Variants in CWF19L2 observed in about 807,000 individuals in gnomAD.
CWF19L2 encodes the protein CWF19-like protein 2.
Under a neutral mutation model 111.7 loss-of-function variants are expected in CWF19L2, and 98 were observed. The observed-to-expected ratio is 0.88, with a 90% CI of 0.75 to 1.04. CWF19L2 has a LOEUF of 1.04. Ranked by LOEUF, CWF19L2 falls within the 50% of genes least tolerant of loss-of-function variation. The pLI, the probability that CWF19L2 is intolerant of heterozygous loss-of-function variation, is 0.00. For synonymous variants in CWF19L2, 351 were observed against 342.9 expected, an observed-to-expected ratio of 1.02 and a Z score of -0.26; for missense variants, 1,101 against 1,051.4, an observed-to-expected ratio of 1.05 and a Z score of -0.65.
intron 14 of CWF19L2, among the ~76,000 whole-genome samples, chr11:107,346,353 C>G (rs1400087383): frequency 1.3e-5 from 2 of 152,058 alleles, no homozygotes; most frequent in Non-Finnish European, 2.9e-5. Flanking sequence ...TGAATTTAAA[C>G]AATTGTTTAA....
chr11:107,428,601 TAA>T (rs35070417), intron 8 of CWF19L2, among the ~76,000 whole-genome samples, 196 bp downstream of exon 8: 1 of 145,028 alleles, frequency 6.9e-6, no homozygotes, highest in Admixed American at 6.9e-5. Context: ...TTTCAGCTCT[TAA>T]AAAAAAAAAA....
At position 107,399,653 on chromosome 11, in the gene CWF19L2, G is replaced by C. The variant is rs779992610; in HGVS notation, c.1618-6758C>G. On this transcript the variant is annotated intron_variant, in intron 10 of 17. Transcript: ENST00000282251. ...AATACTCCACTGATAGCCCTAGATA[G>C]GTCATCAAGACAGAAAGTCAACAAA... 3.7e-4 allele frequency among the ~76,000 whole-genome samples: 56 copies of C among 152,104 alleles called. 1 individual carries two copies. Among genetic ancestry groups the C allele is most frequent in the Non-Finnish European group, 1.0e-4 (7 of 68,022 alleles).
chr11:107,392,897 T>A lies in CWF19L2; in HGVS notation c.1618-2A>T. On this transcript the variant is annotated splice_acceptor_variant, in intron 10 of 17. Coordinates refer to ENST00000282251, the MANE Select transcript of CWF19L2 (RefSeq NM_152434.3). LOFTEE classifies it high-confidence loss of function. ...GATTACTTCTTGCTGGTCTTCATTCTATAAAAAGATTTAGAGATAACTATT... is the reference window on the plus strand; with the variant it reads ...GATTACTTCTTGCTGGTCTTCATTCAATAAAAAGATTTAGAGATAACTATT... 6.6e-7 allele frequency: 1 copy of A among 1,523,146 alleles called. No individual in the cohort carries two copies. Among genetic ancestry groups the A allele is most frequent in the Non-Finnish European group, 8.9e-7 (1 of 1,125,364 alleles). The allele number at this position is 1,523,146 out of a possible 1,614,324, so 94.4% of individuals were successfully genotyped here. A position where few individuals can be genotyped will look rare whatever the true frequency, so the allele number is the denominator to read the frequency against.
At chr11:107,425,700 T>C (rs561083826) in intron 8 of CWF19L2, among the ~76,000 whole-genome samples, 1 of 152,082 alleles carries the variant, frequency 6.6e-6, no homozygotes, top group East Asian at 1.9e-4. Context: ...CTTAAAGATC[T>C]CACAACTATA....
intron 10 of CWF19L2, 145 bp from the exon 11 acceptor site, chr11:107,393,040 T>G: frequency 4.0e-6 from 2 of 505,362 alleles, no homozygotes; most frequent in Non-Finnish European, 6.8e-6. Context: ...TTCATTACTC[T>G]CTATACTATA....
chr11:107,390,903 T>A (rs537195544), intron 11 of CWF19L2, among the ~76,000 whole-genome samples: 1 of 152,168 alleles, frequency 6.6e-6, no homozygotes, highest in Non-Finnish European at 1.5e-5. Context: ...GTGGGAACCA[T>A]CTAATCAGCT....
chr11:107,363,131 T>G (rs2134561103), intron 12 of CWF19L2, among the ~76,000 whole-genome samples: 1 of 151,868 alleles, frequency 6.6e-6, no homozygotes, highest in African/African-American at 2.4e-5. Flanking sequence ...GAAAAAAGAA[T>G]AAAAAGAAAT....
chr11:107,440,862 C>T (rs1375238475), intron 5 of CWF19L2, among the ~76,000 whole-genome samples: 1 of 152,094 alleles, frequency 6.6e-6, no homozygotes, highest in Non-Finnish European at 1.5e-5. Flanking sequence ...AATGAAATAC[C>T]ATTTCTCACC....
intron 2 of CWF19L2, 34 bp from the exon 3 acceptor site, chr11:107,454,606 T>C: frequency 7.9e-7 from 1 of 1,259,176 alleles, no homozygotes; most frequent in Non-Finnish European, 1.0e-6. Flanking sequence ...GAAAATAATT[T>C]AATTTCATCT....
At chr11:107,433,180 A>G (rs1861488345) in intron 7 of CWF19L2, among the ~76,000 whole-genome samples, 1 of 152,114 alleles carries the variant, frequency 6.6e-6, no homozygotes, top group Non-Finnish European at 1.5e-5. Flanking sequence ...CAATAGAAAG[A>G]TTGTCCAGAA....
chr11:107,423,824 T>A (rs549091406), intron 8 of CWF19L2, among the ~76,000 whole-genome samples: 1 of 151,822 alleles, frequency 6.6e-6, no homozygotes, highest in African/African-American at 2.4e-5. Flanking sequence ...AAGCCATCCA[T>A]CAATCCATCT....
intron 10 of CWF19L2, among the ~76,000 whole-genome samples, chr11:107,397,046 C>T (rs1292235767): frequency 6.6e-6 from 1 of 152,112 alleles, no homozygotes; most frequent in Non-Finnish European, 1.5e-5. Context: ...CCCGTTCCTG[C>T]CTGGCACCAC....
At chr11:107,418,603 C>G (rs1012696581) in intron 8 of CWF19L2, among the ~76,000 whole-genome samples, 9 of 152,166 alleles carry the variant, frequency 5.9e-5, no homozygotes, top group Middle Eastern at 3.4e-3. Context: ...AAACAAAAAA[C>G]GTTCGAACCA....
rs1036708311 is a variant in CWF19L2, at chr11:107,371,521, A to G, written c.1873-17785T>C. Among the ~76,000 whole-genome samples, 6 of 137,978 alleles carry G rather than the reference A, an allele frequency of 4.3e-5. 2 individuals are homozygous for G. Among genetic ancestry groups the G allele is most frequent in the Non-Finnish European group, 9.3e-5 (6 of 64,460 alleles). The allele number at this position is 137,978 out of a possible 152,430, so 90.5% of individuals were successfully genotyped here. A position where few individuals can be genotyped will look rare whatever the true frequency, so the allele number is the denominator to read the frequency against. ...TACAGACTGATTTTTTAAAGGTGCTATTAAAACATTGCTAGTTTTATTAAA... is the reference window on the plus strand; with the variant it reads ...TACAGACTGATTTTTTAAAGGTGCTGTTAAAACATTGCTAGTTTTATTAAA... On this transcript the variant is annotated intron_variant, in intron 12 of 17. Coordinates refer to ENST00000282251, the MANE Select transcript of CWF19L2 (RefSeq NM_152434.3).
intron 12 of CWF19L2, among the ~76,000 whole-genome samples, chr11:107,379,478 G>T (rs1159999333): frequency 1.3e-5 from 2 of 152,226 alleles, no homozygotes; most frequent in East Asian, 3.9e-4. Context: ...GTTCAAGAGG[G>T]ATTCTGATTC....
intron 10 of CWF19L2, among the ~76,000 whole-genome samples, chr11:107,395,646 T>G (rs1303980437): frequency 6.6e-6 from 1 of 152,232 alleles, no homozygotes; most frequent in East Asian, 1.9e-4. Context: ...ATTCTGGCCC[T>G]AGATTTTTCT....
intron 3 of CWF19L2, among the ~76,000 whole-genome samples, chr11:107,443,438 A>G (rs784150): frequency 0.27 from 40,868 of 151,874 alleles, 5,861 homozygotes; most frequent in African/African-American, 0.35. Context: ...AGCTAAGATC[A>G]CACCACTGCA....
intron 10 of CWF19L2, among the ~76,000 whole-genome samples, chr11:107,412,622 T>C (rs959351307): frequency 4.6e-5 from 7 of 152,228 alleles, no homozygotes; most frequent in African/African-American, 1.7e-4. Flanking sequence ...ATTACAGGCA[T>C]GAGCCAGTGC....
intron 14 of CWF19L2, among the ~76,000 whole-genome samples, chr11:107,344,472 C>T (rs1860049221): frequency 6.6e-6 from 1 of 152,154 alleles, no homozygotes; most frequent in Non-Finnish European, 1.5e-5. Context: ...TCCCATATTC[C>T]TGAAGGATAT....
Sources: allele counts gnomAD v4.1 joint callset (sites outside exome capture counted in the v4.1 genomes callset), GRCh38; gene constraint gnomAD v4.1.1; transcripts MANE v1.5; gene names NCBI Gene and HGNC (gene_info 2026-07-23, HGNC 2026-07-21).